The following PIRT variants were observed in gnomAD, a reference collection of about 807,000 sequenced individuals.
The protein encoded by PIRT is phosphoinositide interacting regulator of transient receptor potential channels, also known as phosphoinositide-interacting protein.
Under a neutral mutation model 7.9 loss-of-function variants are expected in PIRT, and 6 were observed. That is an observed-to-expected ratio of 0.76 (90% CI 0.42 to 1.51). The LOEUF (loss-of-function observed/expected upper bound fraction) is 1.51. Among genes scored for constraint, PIRT ranks in the 40% most tolerant of loss-of-function variants. PIRT has a pLI of 0.01. For missense variants in PIRT, 170 were observed against 172.9 expected, an observed-to-expected ratio of 0.98 and a Z score of 0.09; for synonymous variants, 78 against 71.8, an observed-to-expected ratio of 1.09 and a Z score of -0.44.
Position 10,824,206 on chromosome 17 carries a change from T to A in PIRT, c.*1026A>T, listed in dbSNP as rs915622172. On this transcript the variant is annotated 3_prime_UTR_variant, in exon 2 of 2. Transcript: ENST00000580256. ...GTGTCTTGCCCCCAGCCAGGGCTTATCCCAGAATGCGACACTTAATAAATG... is the reference window on the plus strand; with the variant it reads ...GTGTCTTGCCCCCAGCCAGGGCTTAACCCAGAATGCGACACTTAATAAATG... The A allele has an allele frequency of 1.3e-5, 2 of 152,246 alleles. No individual in the cohort carries two copies. Among genetic ancestry groups the A allele is most frequent in the African/African-American group, 4.8e-5 (2 of 41,470 alleles). The allele number at this position is 152,246 out of a possible 1,614,324, so 9.4% of individuals were successfully genotyped here.
At chr17:10,830,788 T>C (rs942013894) in intron 1 of PIRT, among the ~76,000 whole-genome samples, 5 of 152,208 alleles carry the variant, frequency 3.3e-5, no homozygotes, top group Non-Finnish European at 7.3e-5. Context: ...TTTTTCTGTA[T>C]ACCAGGGCTT....
At chr17:10,830,437 A>C (rs187062716) in intron 1 of PIRT, among the ~76,000 whole-genome samples, 99 of 152,344 alleles carry the variant, frequency 6.5e-4, no homozygotes, top group African/African-American at 2.3e-3. Flanking sequence ...GACCTCGGTC[A>C]GGTTACTTCA....
At position 10,822,905 on chromosome 17, in the gene PIRT, G is replaced by A. The variant is rs182726320; in HGVS notation, c.*2327C>T. On this transcript the variant is annotated 3_prime_UTR_variant, in exon 2 of 2. Coordinates refer to ENST00000580256, the MANE Select transcript of PIRT (RefSeq NM_001101387.2). ...GGCAGGTACTGCTAGAGTCTGCAAA[G>A]TGAGTCCAGAACCTGGACTTCTAGA... 3 of 152,316 alleles carry A rather than the reference G, an allele frequency of 2.0e-5. No homozygotes were observed. Among genetic ancestry groups the A allele is most frequent in the Non-Finnish European group, 4.4e-5 (3 of 68,024 alleles). 9.4% of individuals were successfully genotyped at this position (152,316 alleles called of 1,614,324 possible).
At chr17:10,835,597 A>G (rs1234552902) in intron 1 of PIRT, among the ~76,000 whole-genome samples, 1 of 152,250 alleles carries the variant, frequency 6.6e-6, no homozygotes, top group Non-Finnish European at 1.5e-5. Flanking sequence ...AGTGGGACAT[A>G]GTGAACAGAA....
chr17:10,827,577 C>T (rs531325111), intron 1 of PIRT, among the ~76,000 whole-genome samples: 58 of 141,270 alleles, frequency 4.1e-4, no homozygotes, highest in Non-Finnish European at 7.2e-4. Context: ...CAGGTTCAAG[C>T]CACTCTCCTG....
chr17:10,827,723 C>T (rs1006224860), intron 1 of PIRT, among the ~76,000 whole-genome samples: 1 of 151,892 alleles, frequency 6.6e-6, no homozygotes, highest in African/African-American at 2.4e-5. Context: ...GATCCACCCT[C>T]CTTAGCCTCC....
At chr17:10,827,249 T>C (rs891226142) in intron 1 of PIRT, among the ~76,000 whole-genome samples, 2 of 152,144 alleles carry the variant, frequency 1.3e-5, no homozygotes, top group Admixed American at 1.3e-4. Flanking sequence ...CCCCAGGGTC[T>C]AATCGAGAGC....
At chr17:10,832,019 T>C (rs777995829) in intron 1 of PIRT, among the ~76,000 whole-genome samples, 39 of 152,214 alleles carry the variant, frequency 2.6e-4, no homozygotes, top group Non-Finnish European at 5.0e-4. Context: ...AGTGCCAGTC[T>C]GGGACTATAC....
At chr17:10,828,545 G>C (rs917482433) in intron 1 of PIRT, among the ~76,000 whole-genome samples, 14 of 152,118 alleles carry the variant, frequency 9.2e-5, no homozygotes, top group Admixed American at 7.9e-4. Flanking sequence ...GGGGAAGGTG[G>C]GCTATTCATC....
At position 10,822,770 on chromosome 17, in the gene PIRT, C is replaced by A. The variant is rs1293429461; in HGVS notation, c.*2462G>T. 1 of 152,172 alleles carries A rather than the reference C, an allele frequency of 6.6e-6. No individual in the cohort carries two copies. The highest frequency in any genetic ancestry group is 1.5e-5 in the Non-Finnish European group (1 of 68,038). 9.4% of individuals were successfully genotyped at this position (152,172 alleles called of 1,614,324 possible). A position where few individuals can be genotyped will look rare whatever the true frequency, so the allele number is the denominator to read the frequency against. On this transcript the variant is annotated 3_prime_UTR_variant, in exon 2 of 2. Coordinates refer to ENST00000580256, the MANE Select transcript of PIRT (RefSeq NM_001101387.2). ...GTCCTGCCTCAGTGTGACCCTGGAA[C>A]CTTTCCAGCCCACACTCATGTGGAG... is the stretch of plus-strand genomic sequence containing the variant.
chr17:10,827,868 A>G (rs1905371196), intron 1 of PIRT, among the ~76,000 whole-genome samples: 1 of 152,154 alleles, frequency 6.6e-6, no homozygotes, highest in Admixed American at 6.5e-5. Context: ...AATGACTGAT[A>G]TTAGGTACTT....
At chr17:10,827,069 C>A (rs1313619281) in intron 1 of PIRT, among the ~76,000 whole-genome samples, 1 of 152,148 alleles carries the variant, frequency 6.6e-6, no homozygotes, top group Non-Finnish European at 1.5e-5. Context: ...GTCTTGGCCT[C>A]CCAAAGTGCT....
At chr17:10,827,189 G>T (rs1181959819) in intron 1 of PIRT, among the ~76,000 whole-genome samples, 1 of 152,110 alleles carries the variant, frequency 6.6e-6, no homozygotes, top group Non-Finnish European at 1.5e-5. Flanking sequence ...CCAATTTCCA[G>T]CTTCCTATTC....
rs1038272681 is a variant in PIRT, at chr17:10,824,159, A to G, written c.*1073T>C. 2.6e-5 allele frequency: 4 copies of G among 152,234 alleles called. No homozygotes were observed. In the South Asian group the frequency reaches 6.2e-4, roughly 24 times the overall value. The allele number at this position is 152,234 out of a possible 1,614,324, so 9.4% of individuals were successfully genotyped here. On this transcript the variant is annotated 3_prime_UTR_variant, in exon 2 of 2. Transcript: ENST00000580256. ...GCTTGGCTGCCTCTCTCACCTCGGG[A>G]AGCAAGAAGACATCAGGGACCGTGT... is the stretch of plus-strand genomic sequence containing the variant.
intron 1 of PIRT, among the ~76,000 whole-genome samples, chr17:10,828,893 C>T (rs950871972): frequency 1.3e-5 from 2 of 152,164 alleles, no homozygotes; most frequent in Non-Finnish European, 2.9e-5. Flanking sequence ...GGAATTTGGC[C>T]TTGGTAATGT....
At position 10,825,010 on chromosome 17, in the gene PIRT, G is replaced by C. The variant is rs1468808217; in HGVS notation, c.*222C>G. 1.3e-5 allele frequency: 8 copies of C among 611,578 alleles called. No homozygotes were observed. Among genetic ancestry groups the C allele is most frequent in the Non-Finnish European group, 1.4e-5 (5 of 358,978 alleles). The allele number at this position is 611,578 out of a possible 1,614,324, so 37.9% of individuals were successfully genotyped here. A position where few individuals can be genotyped will look rare whatever the true frequency, so the allele number is the denominator to read the frequency against. ...TGACCAAAGGGAAGGCCACAGCCGG[G>C]ATCCAAGGAAGCATCAGTCAGAATA... is the stretch of plus-strand genomic sequence containing the variant. On this transcript the variant is annotated 3_prime_UTR_variant, in exon 2 of 2. Coordinates refer to ENST00000580256, the MANE Select transcript of PIRT (RefSeq NM_001101387.2).
chr17:10,833,174 A>G (rs1196025921), intron 1 of PIRT, among the ~76,000 whole-genome samples: 1 of 152,242 alleles, frequency 6.6e-6, no homozygotes, highest in Non-Finnish European at 1.5e-5. Flanking sequence ...TCACATGGAA[A>G]AAAGAATGAA....
intron 1 of PIRT, among the ~76,000 whole-genome samples, chr17:10,830,478 C>T (rs185115318): frequency 4.0e-4 from 61 of 152,306 alleles, no homozygotes; most frequent in Non-Finnish European, 6.9e-4. Context: ...CCATATAAAA[C>T]AGGGATAATG....
chr17:10,829,723 C>A, intron 1 of PIRT, among the ~76,000 whole-genome samples: 1 of 152,188 alleles, frequency 6.6e-6, no homozygotes. Context: ...GATTCATAAT[C>A]CCCTAACATT....
Sources: allele counts gnomAD v4.1 joint callset (sites outside exome capture counted in the v4.1 genomes callset), GRCh38; gene constraint gnomAD v4.1.1; transcripts MANE v1.5; gene names NCBI Gene and HGNC (gene_info 2026-07-23, HGNC 2026-07-21).